The following CNOT1 variants were observed in gnomAD, a reference collection of about 807,000 sequenced individuals.
CNOT1 encodes CCR4-associated factor 1.
Under a neutral mutation model 273.8 loss-of-function variants are expected in CNOT1, and 15 were observed. That is an observed-to-expected ratio of 0.05 (90% confidence interval 0.04 to 0.08). CNOT1 has a LOEUF of 0.08. CNOT1 is among the 10% of genes least tolerant of loss of function. CNOT1 has a pLI of 1.00. For synonymous variants in CNOT1, 1,022 were observed against 1,005.5 expected (o/e 1.02, Z -0.31); for missense variants, 1,644 against 2,912.2 (o/e 0.56, Z 10.02).
At chr16:58,557,625 A>C (rs911843861) in intron 18 of CNOT1, among the ~76,000 whole-genome samples, 6 of 63,352 alleles carry the variant, frequency 9.5e-5, no homozygotes, top group African/African-American at 5.2e-4. Flanking sequence ...AAACAACCAC[A>C]ACAACAACAA....
chr16:58,562,285 T>C (rs2040878842), intron 16 of CNOT1, among the ~76,000 whole-genome samples: 1 of 150,294 alleles, frequency 6.7e-6, no homozygotes, highest in Non-Finnish European at 1.5e-5. Context: ...GGAGGATCGC[T>C]TGAGGAAGGA....
At chr16:58,580,141 C>T (rs906234827) in intron 12 of CNOT1, among the ~76,000 whole-genome samples, 2 of 152,080 alleles carry the variant, frequency 1.3e-5, no homozygotes, top group Non-Finnish European at 1.5e-5. Flanking sequence ...ACCGGGGAGG[C>T]GGAGGTTGCA....
Position 58,532,400 on chromosome 16 carries a change from GT to G in CNOT1, c.5896-6del. 6.2e-7 allele frequency: 1 copy of G among 1,610,320 alleles called. No individual in the cohort carries two copies. Among genetic ancestry groups the G allele is most frequent in the African/African-American group, 1.3e-5 (1 of 74,884 alleles). On this transcript the variant is annotated splice_region_variant and splice_polypyrimidine_tract_variant and intron_variant, in intron 40 of 48. Coordinates refer to ENST00000317147, the MANE Select transcript of CNOT1 (RefSeq NM_016284.5). ...TCCCACTACTATACCAAGGACCTAC[GT>G]AAAACACAAATCAGAGCTTGTAAAT...
chr16:58,560,331 G>A lies in CNOT1; in HGVS notation c.2011C>T (p.Leu671Phe). ...TTACTGCAATTGGCTACCATGGTGA[G>A]GATAGTTTCTGATAGCTCCTGAGAA... ...SVSQELSETI[L>F]TMVANCSNVM... The change falls in exon 17 of 49, where the codon CTC (leucine) becomes TTC (phenylalanine). Residue 671 changes from leucine (L) to phenylalanine (F), a missense_variant. By Grantham distance (22) the Leu-to-Phe change is conservative. This residue lies in a region of CNOT1 where 706 missense variants were observed against 1,021.2 expected (regional missense o/e 0.69). Transcript: ENST00000317147. 1 of 1,614,038 alleles carries A rather than the reference G, an allele frequency of 6.2e-7. No homozygotes were observed. The highest frequency in any genetic ancestry group is 8.5e-7 in the Non-Finnish European group (1 of 1,179,998).
rs775210421 is a variant in CNOT1, at chr16:58,542,458, T to C, written c.4545A>G (p.Ala1515=). ...CTAATCTCTTGTCCATCTCAGGGCC[T>C]GCTTTTTCTACTGCAGTCTTCTGAA... ...CFIQKTAVEK[A]GPEMDKRLAT... The change falls in exon 32 of 49, where the codon GCA becomes GCG. Residue 1515 remains alanine (A), a synonymous_variant. Transcript: ENST00000317147. 5.0e-6 allele frequency: 8 copies of C among 1,614,042 alleles called. No homozygotes were observed. The East Asian group carries it at 1.8e-4, about 36-fold the overall frequency.
intron 16 of CNOT1, 123 bp from the exon 17 acceptor site, chr16:58,560,485 T>G (rs1321090548): frequency 1.4e-6 from 2 of 1,446,408 alleles, no homozygotes; most frequent in Admixed American, 2.7e-5. Flanking sequence ...CAGACTGGAG[T>G]GCAGTAGCAC....
In CNOT1 at chr16:58,545,394, C is replaced by T. The variant is rs375297615; in HGVS notation, c.4104G>A (p.Ala1368=). 38 of 1,613,856 alleles carry T rather than the reference C, an allele frequency of 2.4e-5. No homozygotes were observed. The highest frequency in any genetic ancestry group is 3.3e-4 in the Middle Eastern group (2 of 6,080). ...TCAGAGTAATGTGTGGTGCCAAGCC[C>T]GCAAGGGAATAGACATTGATGTCGT... The part of the protein sequence containing the change: ...SYHDINVYSL[A]GLAPHITLNP... Residue 1368 remains alanine (A), a synonymous_variant, in exon 30 of 49, where the codon GCG becomes GCA. Transcript: ENST00000317147.
In CNOT1 at chr16:58,580,598, A is replaced by G. The variant is rs747858390; in HGVS notation, c.1343+35T>C. ...CTTTATATTTCACAAAATAAGAAGTAATCTTTTAAATGAAAGATGAATCAA... is the reference window on the plus strand; with the variant it reads ...CTTTATATTTCACAAAATAAGAAGTGATCTTTTAAATGAAAGATGAATCAA... On this transcript the variant is annotated intron_variant, in intron 12 of 48. Coordinates refer to ENST00000317147, the MANE Select transcript of CNOT1 (RefSeq NM_016284.5). The G allele has an allele frequency of 5.0e-6, 8 of 1,592,210 alleles. No individual in the cohort carries two copies. In the South Asian group the frequency reaches 9.2e-5, roughly 18 times the overall value.
intron 1 of CNOT1, among the ~76,000 whole-genome samples, chr16:58,610,574 T>C (rs2042859547): frequency 6.6e-6 from 1 of 152,110 alleles, no homozygotes; most frequent in African/African-American, 2.4e-5. Context: ...CGGGGCGCGG[T>C]GGCTCACACC....
At chr16:58,560,849 AC>A (rs1387362006) in intron 16 of CNOT1, among the ~76,000 whole-genome samples, 1 of 152,086 alleles carries the variant, frequency 6.6e-6, no homozygotes, top group Non-Finnish European at 1.5e-5. Context: ...ACATGGTGAA[AC>A]CCCGTCTCTA....
At position 58,560,318 on chromosome 16, in the gene CNOT1, G is replaced by C. The variant is rs1232401246; in HGVS notation, c.2024C>G (p.Ala675Gly). The change falls in exon 17 of 49, where the codon GCC (alanine) becomes GGC (glycine). Residue 675 changes from alanine (A) to glycine (G), a missense_variant. This residue lies in a region of CNOT1 where 706 missense variants were observed against 1,021.2 expected (regional missense o/e 0.69). Coordinates refer to ENST00000317147, the MANE Select transcript of CNOT1 (RefSeq NM_016284.5). ...ELSETILTMVANCSNVMNKAR... is the reference protein window; with the variant it reads ...ELSETILTMVGNCSNVMNKAR... ...CTTATTCATAACATTACTGCAATTG[G>C]CTACCATGGTGAGGATAGTTTCTGA... 1 of 1,614,150 alleles carries C rather than the reference G, an allele frequency of 6.2e-7. No individual in the cohort carries two copies. The highest frequency in any genetic ancestry group is 1.7e-5 in the Admixed American group (1 of 60,024).
At chr16:58,593,568 G>GAAA (rs34487574) in intron 2 of CNOT1, among the ~76,000 whole-genome samples, 3 of 139,838 alleles carry the variant, frequency 2.1e-5, no homozygotes, top group Non-Finnish European at 3.1e-5. Context: ...CGTCTCAAGG[G>GAAA]AAAAAAAAAA....
intron 1 of CNOT1, among the ~76,000 whole-genome samples, chr16:58,615,918 CTTTT>C (rs762479250): frequency 3.8e-5 from 4 of 104,352 alleles, no homozygotes; most frequent in Non-Finnish European, 6.8e-5. Context: ...CCCATCTCTA[CTTTT>C]TTTTTTTTTT....
At chr16:58,623,573 G>A (rs190914075) in intron 1 of CNOT1, among the ~76,000 whole-genome samples, 140 of 152,270 alleles carry the variant, frequency 9.2e-4, no homozygotes, top group African/African-American at 3.3e-3. Context: ...TAAATGACTG[G>A]GTTCAGAGAG....
intron 1 of CNOT1, among the ~76,000 whole-genome samples, chr16:58,612,387 C>G (rs1025072130): frequency 2.6e-5 from 4 of 152,138 alleles, no homozygotes; most frequent in Admixed American, 2.0e-4. Flanking sequence ...GCATTCTGAC[C>G]TAAAAAAGGT....
intron 3 of CNOT1, 40 bp downstream of exon 3, chr16:58,588,759 T>C: frequency 6.3e-7 from 1 of 1,598,202 alleles, no homozygotes; most frequent in African/African-American, 1.3e-5. Context: ...CATTTAACAA[T>C]TACAGCTAAG....
chr16:58,557,311 G>A (rs957319254), intron 18 of CNOT1, among the ~76,000 whole-genome samples: 2 of 152,154 alleles, frequency 1.3e-5, no homozygotes, highest in Non-Finnish European at 2.9e-5. Context: ...GGAGCTGGCT[G>A]GCTTTTCTCA....
rs551916163 is a variant in CNOT1 at position 58,574,598 on chromosome 16, G to T, written c.1979+11C>A. Reference sequence around the variant, plus strand: ...TTCAAAAAAAGTCATATTCATGTATGTACTTCTTACCCTGCACAAGCTTGC... The same window carrying T: ...TTCAAAAAAAGTCATATTCATGTATTTACTTCTTACCCTGCACAAGCTTGC... On this transcript the variant is annotated intron_variant, in intron 16 of 48. Transcript: ENST00000317147. 6.4e-7 allele frequency: 1 copy of T among 1,567,588 alleles called. No homozygotes were observed. Among genetic ancestry groups the T allele is most frequent in the Non-Finnish European group, 8.6e-7 (1 of 1,164,782 alleles).
intron 12 of CNOT1, among the ~76,000 whole-genome samples, chr16:58,579,189 G>A (rs979851048): frequency 1.3e-5 from 2 of 152,186 alleles, no homozygotes; most frequent in African/African-American, 2.4e-5. Context: ...GATAGAGAAT[G>A]AAGTAAACAC....
Sources: allele counts gnomAD v4.1 joint callset (sites outside exome capture counted in the v4.1 genomes callset), GRCh38; gene constraint gnomAD v4.1.1; regional missense constraint gnomAD v4.1.1; transcripts MANE v1.5; gene names NCBI Gene and HGNC (gene_info 2026-07-23, HGNC 2026-07-21).